The following ATP13A3 variants were observed in gnomAD, a reference collection of about 807,000 sequenced individuals.
ATP13A3 encodes the protein polyamine-transporting ATPase 13A3.
A neutral mutation model predicts 158.1 loss-of-function variants in ATP13A3; 59 were observed. The ratio of observed to expected loss-of-function variants is 0.37; its 90% CI spans 0.30 to 0.46. The LOEUF (loss-of-function observed/expected upper bound fraction) is 0.46. ATP13A3 is among the 20% of genes least tolerant of loss of function. The pLI is 1.00. For synonymous variants in ATP13A3, 491 were observed against 504.3 expected, an observed-to-expected ratio of 0.97 and a Z score of 0.35; for missense variants, 1,166 against 1,525.2, an observed-to-expected ratio of 0.76 and a Z score of 3.92.
At chr3:194,427,637 A>G (rs1276162880) in intron 28 of ATP13A3, among the ~76,000 whole-genome samples, 2 of 9,514 alleles carry the variant, frequency 2.1e-4, no homozygotes, top group African/African-American at 2.8e-3. Context: ...CATCTCTACA[A>G]TAAATAAATA....
chr3:194,462,170 C>G lies in ATP13A3; in HGVS notation c.21G>C (p.Lys7Asn). Reference sequence around the variant, plus strand: ...CATCTTCTTGACCCTGATTGATGGTCTTCCTTTCTTCCCTGTCCATACCTA... The same window carrying G: ...CATCTTCTTGACCCTGATTGATGGTGTTCCTTTCTTCCCTGTCCATACCTA... MDREER[K>N]TINQGQEDEM... The change falls in exon 3 of 34, where the codon AAG becomes AAC. Residue 7 changes from lysine to asparagine, a missense_variant. This residue lies in a region of ATP13A3 where 65 missense variants were observed against 92.4 expected (regional missense o/e 0.70). Transcript: ENST00000645319. 3 of 1,614,092 alleles carry G rather than the reference C, an allele frequency of 1.9e-6. No homozygotes were observed. In the South Asian group the frequency reaches 3.3e-5, roughly 18 times the overall value.
Position 194,457,189 on chromosome 3 carries a change from A to T in ATP13A3, c.480-15T>A. On this transcript the variant is annotated splice_polypyrimidine_tract_variant and intron_variant, in intron 6 of 33. Coordinates refer to ENST00000645319, the MANE Select transcript of ATP13A3 (RefSeq NM_001367549.1). ...CATCCAGTCCCCTAAATAAATCCAAAGTTTTTACTTTAAACAAAGTTTAAA... is the reference window on the plus strand; with the variant it reads ...CATCCAGTCCCCTAAATAAATCCAATGTTTTTACTTTAAACAAAGTTTAAA... 1 of 1,594,674 alleles carries T rather than the reference A, an allele frequency of 6.3e-7. No individual in the cohort carries two copies.
intron 20 of ATP13A3, among the ~76,000 whole-genome samples, chr3:194,435,953 G>A (rs985623768): frequency 6.6e-6 from 1 of 152,110 alleles, no homozygotes; most frequent in African/African-American, 2.4e-5. Context: ...TAGTGTTTAT[G>A]GGGGAAAATG....
At chr3:194,453,584 G>A (rs1577071431) in intron 10 of ATP13A3, 122 bp downstream of exon 10, 1 of 770,270 alleles carries the variant, frequency 1.3e-6, no homozygotes, top group Non-Finnish European at 2.1e-6. Flanking sequence ...AAGTGACAGA[G>A]ACACTGACTC....
intron 2 of ATP13A3, among the ~76,000 whole-genome samples, chr3:194,465,114 C>G (rs1719910395): frequency 2.0e-5 from 3 of 152,126 alleles, no homozygotes; most frequent in African/African-American, 7.2e-5. Context: ...AACTGGACAT[C>G]AGGCAATGAA....
intron 33 of ATP13A3, among the ~76,000 whole-genome samples, chr3:194,408,741 G>A (rs1282045168): frequency 6.6e-6 from 1 of 151,908 alleles, no homozygotes; most frequent in Non-Finnish European, 1.5e-5. Flanking sequence ...CCTCCCCCAA[G>A]TATCATACAC....
chr3:194,488,376 TC>T (rs755182300), upstream of ATP13A3: 2 of 152,302 alleles, frequency 1.3e-5, no homozygotes, highest in Non-Finnish European at 2.9e-5. This position sits in a 1 kb window ranked among gnomAD's most constrained non-coding sequence, Gnocchi z 4.1. Flanking sequence ...GGTTGGCCTC[TC>T]CAAGTCCTAA....
chr3:194,432,328 CA>C (rs992715185), intron 21 of ATP13A3, among the ~76,000 whole-genome samples: 3 of 151,972 alleles, frequency 2.0e-5, no homozygotes, highest in Non-Finnish European at 4.4e-5. Context: ...TCATACAAAA[CA>C]AAAAGGTAAG....
intron 30 of ATP13A3, among the ~76,000 whole-genome samples, chr3:194,421,943 G>GGAAAAAAAAA (rs1400737766): frequency 1.4e-5 from 1 of 69,146 alleles, no homozygotes; most frequent in African/African-American, 2.3e-4. Flanking sequence ...TGTGTCGTTG[G>GGAAAAAAAAA]CAAAAAAAAA....
intron 21 of ATP13A3, among the ~76,000 whole-genome samples, chr3:194,432,756 C>CCATA (rs541560449): frequency 9.1e-4 from 138 of 152,138 alleles, no homozygotes; most frequent in African/African-American, 2.9e-3. Context: ...CAGACTTTCT[C>CCATA]CATATTAGTC....
chr3:194,444,695 AAT>A, intron 15 of ATP13A3, 28 bp downstream of exon 15: 1 of 1,535,124 alleles, frequency 6.5e-7, no homozygotes, highest in Non-Finnish European at 8.8e-7. Flanking sequence ...AAAATAAACT[AAT>A]AAACTATCAA....
At chr3:194,408,577 A>G (rs1015764360) in intron 33 of ATP13A3, among the ~76,000 whole-genome samples, 1 of 152,232 alleles carries the variant, frequency 6.6e-6, no homozygotes, top group Non-Finnish European at 1.5e-5. Context: ...AAATAGAACA[A>G]TAACTGAATA....
chr3:194,448,711 C>A lies in ATP13A3; in HGVS notation c.971-75G>T. 2.2e-6 allele frequency: 3 copies of A among 1,364,000 alleles called. No individual in the cohort carries two copies. Among genetic ancestry groups the A allele is most frequent in the Non-Finnish European group, 3.0e-6 (3 of 996,618 alleles). The allele number at this position is 1,364,000 out of a possible 1,614,324, so 84.5% of individuals were successfully genotyped here. ...AAAGCACAGGAATCAGTATCGAACA[C>A]CAAAAAATATTAAATTGTTAAATAT... On this transcript the variant is annotated intron_variant, in intron 11 of 33. Coordinates refer to ENST00000645319, the MANE Select transcript of ATP13A3 (RefSeq NM_001367549.1). This position sits in a 1 kb window ranked among gnomAD's most constrained non-coding sequence, Gnocchi z 4.0.
At chr3:194,412,394 T>A in intron 32 of ATP13A3, 106 bp from the exon 33 acceptor site, 1 of 831,136 alleles carries the variant, frequency 1.2e-6, no homozygotes, top group Non-Finnish European at 1.9e-6. Flanking sequence ...ATGAAAAGGA[T>A]ATTTTGATTT....
In ATP13A3 at chr3:194,453,280, TAA is replaced by T. The variant is rs35230118; in HGVS notation, c.838+424_838+425del. Reference sequence around the variant, plus strand: ...TGCAACAGTGAGACCACATCGACTTTAAAAAAAAAAAAAAAAAAAAAAAGGCC... The same window carrying T: ...TGCAACAGTGAGACCACATCGACTTTAAAAAAAAAAAAAAAAAAAAAGGCC... On this transcript the variant is annotated intron_variant, in intron 10 of 33. Coordinates refer to ENST00000645319, the MANE Select transcript of ATP13A3 (RefSeq NM_001367549.1). Among the ~76,000 whole-genome samples the T allele has an allele frequency of 3.1e-3, 308 of 100,926 alleles. 2 individuals carry two copies. The highest frequency in any genetic ancestry group is 8.9e-3 in the African/African-American group (240 of 26,912). 66.2% of individuals were successfully genotyped at this position (100,926 alleles called of 152,430 possible). A position where few individuals can be genotyped will look rare whatever the true frequency, so the allele number is the denominator to read the frequency against.
intron 22 of ATP13A3, 131 bp downstream of exon 22, chr3:194,431,586 G>A: frequency 1.0e-6 from 1 of 963,022 alleles, no homozygotes; most frequent in Non-Finnish European, 1.4e-6. Flanking sequence ...CATAATCTCT[G>A]AAAAAATAGC....
chr3:194,478,158 T>C (rs142154542), intron 2 of ATP13A3, among the ~76,000 whole-genome samples: 214 of 152,192 alleles, frequency 1.4e-3, no homozygotes, highest in African/African-American at 4.9e-3. Context: ...ATCATTCTGG[T>C]TTATTGCCAA....
intron 7 of ATP13A3, 91 bp downstream of exon 7, chr3:194,457,003 A>G (rs1719276387): frequency 1.9e-5 from 15 of 802,036 alleles, no homozygotes; most frequent in Non-Finnish European, 3.0e-5. Flanking sequence ...GTATCTGTTA[A>G]TATGTACAAC....
At chr3:194,467,330 CAATT>C (rs1166696576) in intron 2 of ATP13A3, among the ~76,000 whole-genome samples, 1 of 152,104 alleles carries the variant, frequency 6.6e-6, no homozygotes, top group African/African-American at 2.4e-5. Context: ...AGAACTCTTC[CAATT>C]AATTATTTTT....
Sources: allele counts gnomAD v4.1 joint callset (sites outside exome capture counted in the v4.1 genomes callset), GRCh38; gene constraint gnomAD v4.1.1; regional missense constraint gnomAD v4.1.1; non-coding constraint Gnocchi (gnomAD v3.1); transcripts MANE v1.5; gene names NCBI Gene and HGNC (gene_info 2026-07-23, HGNC 2026-07-21).